The following PLPPR1 variants were observed in gnomAD, a reference collection of about 807,000 sequenced individuals.
The protein encoded by PLPPR1 is phospholipid phosphatase-related protein type 1.
PLPPR1 carries 10 observed loss-of-function variants against 33.1 expected under a neutral mutation model. The ratio of observed to expected loss-of-function variants is 0.30; its 90% CI spans 0.19 to 0.51. The LOEUF (loss-of-function observed/expected upper bound fraction) is 0.51. PLPPR1 is among the 20% of genes least tolerant of loss of function. The pLI is 0.97. For synonymous variants in PLPPR1, 151 were observed against 151.0 expected, an observed-to-expected ratio of 1.00 and a Z score of 0.00; for missense variants, 304 against 408.1, an observed-to-expected ratio of 0.74 and a Z score of 2.20.
chr9:101,320,835 G>A (rs572891153), intron 7 of PLPPR1, among the ~76,000 whole-genome samples: 45 of 152,252 alleles, frequency 3.0e-4, no homozygotes, highest in Middle Eastern at 3.4e-3. Context: ...CCAGGTTTAA[G>A]TAATATGCCC....
intron 2 of PLPPR1, among the ~76,000 whole-genome samples, chr9:101,253,861 A>C (rs1380987635): frequency 6.6e-6 from 1 of 152,114 alleles, no homozygotes; most frequent in South Asian, 2.1e-4. Context: ...TATGCCCTTA[A>C]ATATGTATAT....
At chr9:101,302,458 G>A (rs1007007721) in intron 4 of PLPPR1, among the ~76,000 whole-genome samples, 3 of 152,166 alleles carry the variant, frequency 2.0e-5, no homozygotes, top group Non-Finnish European at 4.4e-5. Context: ...GTTTCCTGAA[G>A]GAATGGTCTT....
intron 6 of PLPPR1, among the ~76,000 whole-genome samples, chr9:101,315,768 AGGAGCCT>A (rs1829040011): frequency 6.6e-6 from 1 of 152,242 alleles, no homozygotes; most frequent in Non-Finnish European, 1.5e-5. Context: ...GATGTCCTGG[AGGAGCCT>A]GGAGGCATTC....
rs367628827 is a variant in PLPPR1, at chr9:101,173,677, TC to T, written c.-45-11772del. The stretch of plus-strand genomic sequence containing the variant: ...GAAGTTTCTTCACCAGCTCAAAAAT[TC>T]TCATCCTAGGGACTCTGCTCTTAAT... On this transcript the variant is annotated intron_variant, in intron 1 of 7. Transcript: ENST00000374874. 1.1e-3 allele frequency among the ~76,000 whole-genome samples: 175 copies of T among 152,238 alleles called. 1 individual carries two copies. The highest frequency in any genetic ancestry group is 4.0e-3 in the African/African-American group (165 of 41,548).
At chr9:101,268,257 A>T (rs143915521) in intron 2 of PLPPR1, among the ~76,000 whole-genome samples, 222 of 146,678 alleles carry the variant, frequency 1.5e-3, no homozygotes, top group African/African-American at 5.2e-3. Flanking sequence ...AAATATACAT[A>T]AAAAAAATAA....
At chr9:101,177,316 A>G (rs546851408) in intron 1 of PLPPR1, among the ~76,000 whole-genome samples, 65 of 152,258 alleles carry the variant, frequency 4.3e-4, no homozygotes, top group African/African-American at 1.5e-3. Flanking sequence ...TTCAGTGCAG[A>G]TATTTTACCT....
intron 2 of PLPPR1, among the ~76,000 whole-genome samples, chr9:101,259,146 G>T (rs571360578): frequency 6.6e-6 from 1 of 152,028 alleles, no homozygotes; most frequent in Non-Finnish European, 1.5e-5. Context: ...AGACACTGGA[G>T]GAAGGAAGTA....
At chr9:101,295,759 C>G (rs1200144179) in intron 4 of PLPPR1, among the ~76,000 whole-genome samples, 1 of 151,994 alleles carries the variant, frequency 6.6e-6, no homozygotes, top group African/African-American at 2.4e-5. Flanking sequence ...ATGTAGAAAG[C>G]TGAAACTGGA....
At chr9:101,258,763 C>T (rs941915296) in intron 2 of PLPPR1, among the ~76,000 whole-genome samples, 2 of 152,138 alleles carry the variant, frequency 1.3e-5, no homozygotes, top group African/African-American at 4.8e-5. Flanking sequence ...AGCTCTTGAG[C>T]CTCTCAGGCT....
At chr9:101,076,803 C>T (rs1830543456) in intron 1 of PLPPR1, among the ~76,000 whole-genome samples, 4 of 152,108 alleles carry the variant, frequency 2.6e-5, no homozygotes, top group Admixed American at 2.6e-4. Context: ...GGAAACTTAA[C>T]CTTCCTACTA....
Position 101,047,075 on chromosome 9 carries a change from G to A in PLPPR1, c.-46+17973G>A, listed in dbSNP as rs186551035. 9.9e-3 allele frequency among the ~76,000 whole-genome samples: 1,507 copies of A among 152,126 alleles called. 13 individuals are homozygous for A. Among genetic ancestry groups the A allele is most frequent in the Middle Eastern group, 0.031 (9 of 294 alleles). ...CACGCAGCCTAGATCCCTTGCATGC[G>A]CAGTTCACAATAGGGTTCGCACTCC... On this transcript the variant is annotated intron_variant, in intron 1 of 7. Transcript: ENST00000374874.
At chr9:101,032,903 G>C (rs755280634) in intron 1 of PLPPR1, among the ~76,000 whole-genome samples, 1 of 152,204 alleles carries the variant, frequency 6.6e-6, no homozygotes, top group Non-Finnish European at 1.5e-5. Context: ...GGAAGCAACA[G>C]CATTTAGCAC....
At chr9:101,251,768 C>T (rs536445027) in intron 2 of PLPPR1, among the ~76,000 whole-genome samples, 63 of 152,172 alleles carry the variant, frequency 4.1e-4, no homozygotes, top group African/African-American at 1.5e-3. Flanking sequence ...AACGTACTGG[C>T]TCATGTAGCT....
chr9:101,116,630 T>C (rs1346343966), intron 1 of PLPPR1, among the ~76,000 whole-genome samples: 3 of 151,974 alleles, frequency 2.0e-5, no homozygotes, highest in African/African-American at 7.3e-5. Context: ...CTGGCCAAGA[T>C]GGTGAAACCC....
At chr9:101,235,620 T>C (rs1391876246) in intron 2 of PLPPR1, among the ~76,000 whole-genome samples, 3 of 151,996 alleles carry the variant, frequency 2.0e-5, no homozygotes, top group Non-Finnish European at 2.9e-5. Context: ...CTTTGACTTG[T>C]TGATTATTTC....
intron 1 of PLPPR1, among the ~76,000 whole-genome samples, chr9:101,104,555 T>C (rs1176034704): frequency 7.4e-6 from 1 of 134,858 alleles, no homozygotes; most frequent in African/African-American, 3.0e-5. Context: ...TTTGCCAGTA[T>C]TTTATTGAGG....
At chr9:101,289,216 C>A (rs1305166510) in intron 4 of PLPPR1, among the ~76,000 whole-genome samples, 1 of 152,232 alleles carries the variant, frequency 6.6e-6, no homozygotes, top group Non-Finnish European at 1.5e-5. Flanking sequence ...CCCTACTCAT[C>A]TTCAGAATGC....
intron 4 of PLPPR1, among the ~76,000 whole-genome samples, chr9:101,305,309 C>A (rs936819294): frequency 6.6e-6 from 1 of 152,094 alleles, no homozygotes; most frequent in South Asian, 2.1e-4. Flanking sequence ...CAACAGTGGA[C>A]CCCTCTCACT....
At chr9:101,277,227 C>T (rs151032317) in intron 3 of PLPPR1, among the ~76,000 whole-genome samples, 202 of 152,252 alleles carry the variant, frequency 1.3e-3, no homozygotes, top group Admixed American at 2.2e-3. Context: ...AGACTGAGAG[C>T]CCTGAAACTA....
Sources: allele counts gnomAD v4.1 joint callset (sites outside exome capture counted in the v4.1 genomes callset), GRCh38; gene constraint gnomAD v4.1.1; transcripts MANE v1.5; gene names NCBI Gene and HGNC (gene_info 2026-07-23, HGNC 2026-07-21).